The following SNX13 variants were observed in gnomAD, a reference collection of about 807,000 sequenced individuals.
SNX13 encodes sorting nexin 13.
SNX13 carries 45 observed loss-of-function variants against 133.6 expected under a neutral mutation model. The ratio of observed to expected loss-of-function variants is 0.34; its 90% CI spans 0.27 to 0.43. The LOEUF is 0.43. SNX13 is among the 20% of genes least tolerant of loss of function. The pLI is 1.00. For synonymous variants in SNX13, 414 were observed against 373.9 expected, an observed-to-expected ratio of 1.11 and a Z score of -1.24; for missense variants, 1,032 against 1,145.1, an observed-to-expected ratio of 0.90 and a Z score of 1.43.
chr7:17,902,957 G>A (rs1429414386), intron 1 of SNX13, among the ~76,000 whole-genome samples: 1 of 152,126 alleles, frequency 6.6e-6, no homozygotes, highest in East Asian at 1.9e-4. Context: ...ATGATCTGAG[G>A]TGGGAGAGTT....
chr7:17,853,425 A>G (rs543207121), intron 9 of SNX13, among the ~76,000 whole-genome samples: 66 of 152,356 alleles, frequency 4.3e-4, no homozygotes, highest in African/African-American at 1.5e-3. Flanking sequence ...GAATACTGTA[A>G]AAGTACAAGA....
intron 1 of SNX13, among the ~76,000 whole-genome samples, chr7:17,931,889 A>C (rs769737327): frequency 2.6e-5 from 4 of 152,230 alleles, no homozygotes; most frequent in Non-Finnish European, 5.9e-5. Context: ...GTGGAATTAC[A>C]GATGGGCAAA....
chr7:17,800,644 T>C (rs1784513942), intron 22 of SNX13, among the ~76,000 whole-genome samples: 1 of 151,732 alleles, frequency 6.6e-6, no homozygotes, highest in Non-Finnish European at 1.5e-5. Flanking sequence ...GACAATGTAT[T>C]ACATATATCT....
chr7:17,830,823 T>A, intron 15 of SNX13: 1 of 984,212 alleles, frequency 1.0e-6, no homozygotes. Flanking sequence ...AATATATGGT[T>A]TCGAGCACTT....
chr7:17,791,245 G>C lies in SNX13; in HGVS notation c.*2800C>G, dbSNP rs2128279171. The C allele has an allele frequency of 6.6e-6, 1 of 151,988 alleles. No individual in the cohort carries two copies. Among genetic ancestry groups the C allele is most frequent in the African/African-American group, 2.4e-5 (1 of 41,540 alleles). The allele number at this position is 151,988 out of a possible 1,614,324, so 9.4% of individuals were successfully genotyped here. On this transcript the variant is annotated 3_prime_UTR_variant, in exon 26 of 26. Coordinates refer to ENST00000428135, the MANE Select transcript of SNX13 (RefSeq NM_015132.5). ...TTGCACAAAATTAAAATTTTAGATT[G>C]TGAAATTTATATCATTCTTAATTTT...
chr7:17,796,600 C>A (rs1027982775), intron 25 of SNX13: 4 of 429,360 alleles, frequency 9.3e-6, no homozygotes, highest in Non-Finnish European at 1.7e-5. Context: ...TCTGAGCTTC[C>A]GTTTCCTCAC....
intron 20 of SNX13, among the ~76,000 whole-genome samples, chr7:17,804,715 C>T (rs1346753632): frequency 6.7e-6 from 1 of 149,276 alleles, no homozygotes; most frequent in Non-Finnish European, 1.5e-5. Context: ...CAAAGTCATA[C>T]AAAACTACAG....
chr7:17,862,289 C>T (rs914507308), intron 9 of SNX13, among the ~76,000 whole-genome samples: 5 of 152,134 alleles, frequency 3.3e-5, no homozygotes, highest in Non-Finnish European at 7.4e-5. Flanking sequence ...GTTTAGTATA[C>T]AATATCCATT....
At chr7:17,836,601 CTT>C (rs1789168561) in intron 13 of SNX13, among the ~76,000 whole-genome samples, 1 of 152,028 alleles carries the variant, frequency 6.6e-6, no homozygotes, top group Admixed American at 6.6e-5. Flanking sequence ...AAAATTATCT[CTT>C]AATGTGTATT....
intron 3 of SNX13, among the ~76,000 whole-genome samples, chr7:17,892,716 G>A (rs1796759320): frequency 6.6e-6 from 1 of 152,052 alleles, no homozygotes; most frequent in Non-Finnish European, 1.5e-5. Flanking sequence ...TGTAAAGAAA[G>A]TTGTTATTAG....
At chr7:17,813,398 A>AT (rs1381312944) in intron 20 of SNX13, among the ~76,000 whole-genome samples, 1 of 152,140 alleles carries the variant, frequency 6.6e-6, no homozygotes, top group East Asian at 1.9e-4. Flanking sequence ...AGCAACATAT[A>AT]TTTTTCCCCT....
At chr7:17,800,065 G>A (rs1784452493) in intron 22 of SNX13, among the ~76,000 whole-genome samples, 1 of 151,608 alleles carries the variant, frequency 6.6e-6, no homozygotes, top group Non-Finnish European at 1.5e-5. Flanking sequence ...TAGGGAGAGG[G>A]AGACCCATTT....
intron 5 of SNX13, among the ~76,000 whole-genome samples, chr7:17,885,916 T>C (rs1355995635): frequency 6.6e-6 from 1 of 152,216 alleles, no homozygotes; most frequent in Non-Finnish European, 1.5e-5. Flanking sequence ...TAATTGTTTT[T>C]GCTGTACTGT....
At chr7:17,842,282 T>C (rs958170176) in intron 12 of SNX13, among the ~76,000 whole-genome samples, 2 of 152,062 alleles carry the variant, frequency 1.3e-5, no homozygotes, top group East Asian at 1.9e-4. Flanking sequence ...TTCAAGAAAC[T>C]TTGGAGGCTA....
chr7:17,829,315 TA>T, intron 16 of SNX13, among the ~76,000 whole-genome samples: 1 of 151,630 alleles, frequency 6.6e-6, no homozygotes, highest in Non-Finnish European at 1.5e-5. Context: ...AGAACGCTAA[TA>T]TTTCTTCCTA....
chr7:17,834,828 G>T lies in SNX13; in HGVS notation c.1397C>A (p.Ala466Glu). Residue 466 changes from alanine (A) to glutamate (E), a missense_variant, in exon 14 of 26, where the codon GCA becomes GAA. Physicochemically the swap from Ala to Glu is moderately radical, Grantham distance 107. Coordinates refer to ENST00000428135, the MANE Select transcript of SNX13 (RefSeq NM_015132.5). ...PRVTVDDYLV[A>E]KLADTLNHED... Reference sequence around the variant, plus strand: ...ATGATTCAAAGTATCTGCTAATTTTGCTACTAAATAGTCATCAACAGTAAC... The same window carrying T: ...ATGATTCAAAGTATCTGCTAATTTTTCTACTAAATAGTCATCAACAGTAAC... 6.2e-7 allele frequency: 1 copy of T among 1,609,542 alleles called. No homozygotes were observed. Among genetic ancestry groups the T allele is most frequent in the East Asian group, 2.2e-5 (1 of 44,648 alleles).
At chr7:17,801,100 A>G (rs1279868712) in intron 22 of SNX13, among the ~76,000 whole-genome samples, 1 of 146,786 alleles carries the variant, frequency 6.8e-6, no homozygotes, top group Non-Finnish European at 1.5e-5. Context: ...TAGATCCAAT[A>G]GAAACATGTA....
chr7:17,871,869 A>C (rs1794157553), intron 8 of SNX13, among the ~76,000 whole-genome samples: 1 of 152,186 alleles, frequency 6.6e-6, no homozygotes, highest in South Asian at 2.1e-4. Flanking sequence ...TAGAGAGGTA[A>C]ATAAGGCCAC....
intron 20 of SNX13, among the ~76,000 whole-genome samples, chr7:17,805,209 C>G (rs1301927400): frequency 4.7e-5 from 3 of 63,452 alleles, no homozygotes; most frequent in Admixed American, 3.2e-4. Context: ...GCTAATGATT[C>G]TTTGTGTGTG....
Sources: gnomAD v4.1 joint callset for allele counts (sites outside exome capture counted in the v4.1 genomes callset) on GRCh38, gnomAD v4.1.1 for gene constraint, MANE v1.5 for transcripts, NCBI Gene and HGNC (gene_info 2026-07-23, HGNC 2026-07-21) for gene names.